The following ATAD2B variants were observed in gnomAD, a reference collection of about 807,000 sequenced individuals.
The protein encoded by ATAD2B is ATPase family AAA domain containing 2B, also known as ATPase family AAA domain-containing protein 2B.
Under a neutral mutation model 167.6 loss-of-function variants are expected in ATAD2B, and 40 were observed. The observed-to-expected ratio is 0.24, with a 90% CI of 0.19 to 0.31. ATAD2B has a LOEUF of 0.31. ATAD2B is among the 10% of genes least tolerant of loss of function. The pLI is 1.00. For synonymous variants in ATAD2B, 579 were observed against 596.5 expected (o/e 0.97, Z 0.43); for missense variants, 1,242 against 1,757.2 (o/e 0.71, Z 5.24).
downstream of ATAD2B, chr2:23,748,530 A>C (rs1378604404): frequency 6.6e-6 from 1 of 152,152 alleles, no homozygotes; most frequent in East Asian, 1.9e-4. Flanking sequence ...TAAAATCTAA[A>C]AGGAACATAT....
At chr2:23,733,328 G>A in the ATAD2B span, among the ~76,000 whole-genome samples, 6 of 152,184 alleles carry the variant, frequency 3.9e-5, no homozygotes, top group East Asian at 1.9e-4. Context: ...ACATAAAATC[G>A]TCTCCTCAAG....
chr2:23,851,921 GA>G (rs35208908), intron 13 of ATAD2B, among the ~76,000 whole-genome samples: 13 of 142,258 alleles, frequency 9.1e-5, no homozygotes, highest in African/African-American at 7.9e-5. Context: ...GAGTAATCAA[GA>G]AAAAAAAAAA....
chr2:23,785,272 A>C (rs1572740291), intron 21 of ATAD2B, among the ~76,000 whole-genome samples: 1 of 152,130 alleles, frequency 6.6e-6, no homozygotes, highest in Admixed American at 6.6e-5. Context: ...ATAAAAACTA[A>C]AAACACCAAA....
intron 10 of ATAD2B, among the ~76,000 whole-genome samples, chr2:23,867,045 C>T (rs1018375913): frequency 1.2e-4 from 18 of 152,096 alleles, no homozygotes; most frequent in East Asian, 7.7e-4. Context: ...ATTGATGACC[C>T]GTATTTGAAT....
chr2:23,686,473 A>G, the ATAD2B span, among the ~76,000 whole-genome samples: 1 of 152,008 alleles, frequency 6.6e-6, no homozygotes, highest in Non-Finnish European at 1.5e-5. Flanking sequence ...AAATTGGTTC[A>G]AGTGATGCCC....
At chr2:23,858,410 C>A (rs1033359288) in intron 12 of ATAD2B, among the ~76,000 whole-genome samples, 1 of 151,224 alleles carries the variant, frequency 6.6e-6, no homozygotes, top group African/African-American at 2.4e-5. Context: ...CGTGAGCCAC[C>A]GCACTCAGCC....
downstream of ATAD2B, among the ~76,000 whole-genome samples, chr2:23,746,293 TG>T (rs1674876269): frequency 1.3e-5 from 2 of 152,214 alleles, no homozygotes; most frequent in Admixed American, 6.5e-5. Flanking sequence ...TGTGTGACCT[TG>T]AGCAAATTAA....
intron 12 of ATAD2B, among the ~76,000 whole-genome samples, chr2:23,862,331 C>T (rs903356100): frequency 5.9e-5 from 9 of 151,288 alleles, no homozygotes; most frequent in African/African-American, 2.2e-4. Context: ...CAAATATATG[C>T]TGCATTGCCA....
chr2:23,884,002 G>C (rs570802193), intron 6 of ATAD2B, among the ~76,000 whole-genome samples: 51 of 152,244 alleles, frequency 3.3e-4, no homozygotes, highest in Admixed American at 1.6e-3. Flanking sequence ...AAATTAGCCA[G>C]ACATGGTGGT....
chr2:23,795,709 ATC>A (rs1426037044), intron 19 of ATAD2B, among the ~76,000 whole-genome samples: 5 of 151,284 alleles, frequency 3.3e-5, no homozygotes, highest in Non-Finnish European at 7.4e-5. Flanking sequence ...GTGAAACCCC[ATC>A]TCTACTAAAA....
At chr2:23,681,022 T>A in the ATAD2B span, among the ~76,000 whole-genome samples, 1 of 152,200 alleles carries the variant, frequency 6.6e-6, no homozygotes, top group Non-Finnish European at 1.5e-5. This position sits in a 1 kb window ranked among gnomAD's most constrained non-coding sequence, Gnocchi z 4.2. Context: ...TCAGGGAGTG[T>A]CCTTTGCCAA....
intron 13 of ATAD2B, among the ~76,000 whole-genome samples, chr2:23,851,693 T>C (rs1314939247): frequency 6.6e-6 from 1 of 152,236 alleles, no homozygotes; most frequent in African/African-American, 2.4e-5. Flanking sequence ...CATATCATGA[T>C]GTGGATCCAC....
At chr2:23,733,880 A>C in the ATAD2B span, among the ~76,000 whole-genome samples, 1 of 152,150 alleles carries the variant, frequency 6.6e-6, no homozygotes, top group Non-Finnish European at 1.5e-5. Flanking sequence ...CTGACCTCTA[A>C]TGCTACTTTC....
intron 24 of ATAD2B, 107 bp downstream of exon 24, chr2:23,762,102 A>C: frequency 8.6e-7 from 1 of 1,156,658 alleles, no homozygotes; most frequent in East Asian, 2.7e-5. Context: ...AAGAGATTAA[A>C]AGAGCTATGG....
chr2:23,886,747 C>T (rs981104505), intron 4 of ATAD2B, among the ~76,000 whole-genome samples: 16 of 149,700 alleles, frequency 1.1e-4, no homozygotes, highest in Non-Finnish European at 2.1e-4. Flanking sequence ...CTGGCTAACA[C>T]GGTGAAACCC....
At chr2:23,822,582 C>A (rs1428530756) in intron 16 of ATAD2B, among the ~76,000 whole-genome samples, 1 of 151,622 alleles carries the variant, frequency 6.6e-6, no homozygotes, top group Non-Finnish European at 1.5e-5. Context: ...TCCCACTCCC[C>A]TGCTCTATAT....
chr2:23,851,981 G>T (rs1178385944), intron 13 of ATAD2B, among the ~76,000 whole-genome samples: 1 of 151,104 alleles, frequency 6.6e-6, no homozygotes, highest in African/African-American at 2.4e-5. Context: ...TACTACCGCA[G>T]ACTATTTAGG....
chr2:23,697,891 C>A, the ATAD2B span: 1 of 152,212 alleles, frequency 6.6e-6, no homozygotes, highest in Non-Finnish European at 1.5e-5. Flanking sequence ...AATAAACAAA[C>A]ACATGAAAAA....
chr2:23,847,085 A>G (rs1235075162), intron 13 of ATAD2B, among the ~76,000 whole-genome samples: 4 of 109,116 alleles, frequency 3.7e-5, no homozygotes, highest in Non-Finnish European at 7.4e-5. Flanking sequence ...AGCAAATTTT[A>G]TGACATATAA....
Sources: gnomAD v4.1 joint callset for allele counts (sites outside exome capture counted in the v4.1 genomes callset) on GRCh38, gnomAD v4.1.1 for gene constraint, Gnocchi (gnomAD v3.1) non-coding constraint, MANE v1.5 for transcripts, NCBI Gene and HGNC (gene_info 2026-07-23, HGNC 2026-07-21) for gene names.